Variants in FTO observed in about 807,000 individuals in gnomAD.
The protein encoded by FTO is alpha-ketoglutarate-dependent dioxygenase FTO.
Under a neutral mutation model 63.9 loss-of-function variants are expected in FTO, and 47 were observed. That is an observed-to-expected ratio of 0.74 (90% CI 0.58 to 0.94). The LOEUF is 0.94. FTO is among the 40% of genes least tolerant of loss of function. The pLI is 0.00. For missense variants in FTO, 562 were observed against 618.1 expected (o/e 0.91, Z 0.96); for synonymous variants, 207 against 224.4 (o/e 0.92, Z 0.69).
intron 7 of FTO, among the ~76,000 whole-genome samples, chr16:53,916,030 A>G (rs1337022210): frequency 6.6e-6 from 1 of 152,208 alleles, no homozygotes; most frequent in Non-Finnish European, 1.5e-5. Context: ...GGGCAGCTCA[A>G]AGCAACTTTG....
intron 8 of FTO, among the ~76,000 whole-genome samples, chr16:54,003,844 C>G (rs2084130371): frequency 6.6e-6 from 1 of 152,118 alleles, no homozygotes; most frequent in African/African-American, 2.4e-5. Flanking sequence ...GATGAGACAT[C>G]TCTTTAGTGG....
chr16:53,895,067 G>T (rs571013957), intron 7 of FTO, among the ~76,000 whole-genome samples: 1 of 152,008 alleles, frequency 6.6e-6, no homozygotes, highest in African/African-American at 2.4e-5. Flanking sequence ...AGGGAAGCTC[G>T]GTTCTTTCCA....
chr16:53,853,882 T>C (rs1032555765), intron 4 of FTO, among the ~76,000 whole-genome samples: 4 of 152,210 alleles, frequency 2.6e-5, no homozygotes, highest in Admixed American at 6.5e-5. Flanking sequence ...TTTTAGTTCT[T>C]TGAGAAATCT....
intron 8 of FTO, among the ~76,000 whole-genome samples, chr16:53,948,998 A>G (rs913841936): frequency 1.3e-5 from 2 of 152,136 alleles, no homozygotes; most frequent in African/African-American, 4.8e-5. Flanking sequence ...ACTTGGCACT[A>G]TTTCATCTTT....
chr16:53,723,797 T>A (rs945658418), intron 1 of FTO, among the ~76,000 whole-genome samples: 2 of 152,182 alleles, frequency 1.3e-5, no homozygotes, highest in African/African-American at 4.8e-5. Flanking sequence ...AGGGGACTCT[T>A]GCTTGCTGTC....
intron 7 of FTO, among the ~76,000 whole-genome samples, chr16:53,920,922 T>G (rs1307931334): frequency 6.6e-6 from 1 of 152,182 alleles, no homozygotes; most frequent in Non-Finnish European, 1.5e-5. Context: ...AGATAAAATT[T>G]CCACTAGGGC....
chr16:53,803,535 T>G (rs1217187438), intron 1 of FTO, among the ~76,000 whole-genome samples: 1 of 152,212 alleles, frequency 6.6e-6, no homozygotes, highest in Non-Finnish European at 1.5e-5. Flanking sequence ...AGGATTGATT[T>G]TAATTAAAAA....
At chr16:53,922,583 C>G (rs376002998) in intron 7 of FTO, among the ~76,000 whole-genome samples, 12 of 152,288 alleles carry the variant, frequency 7.9e-5, no homozygotes, top group African/African-American at 2.9e-4. Context: ...ACTTTTAGTA[C>G]TGTCATCTGA....
chr16:53,823,935 C>A (rs1282703303), intron 2 of FTO, among the ~76,000 whole-genome samples: 1 of 152,128 alleles, frequency 6.6e-6, no homozygotes, highest in Non-Finnish European at 1.5e-5. Context: ...TTATCCCTTA[C>A]ATCTAATTCA....
intron 1 of FTO, among the ~76,000 whole-genome samples, chr16:53,747,839 G>A (rs976198987): frequency 6.6e-6 from 1 of 152,074 alleles, no homozygotes; most frequent in Non-Finnish European, 1.5e-5. Context: ...GTTGATTTTA[G>A]TATATGGTGT....
chr16:53,946,320 G>T lies in FTO; in HGVS notation c.1364+12211G>T, dbSNP rs552804930. 6.6e-5 allele frequency among the ~76,000 whole-genome samples: 10 copies of T among 152,320 alleles called. No homozygotes were observed. In the South Asian group the frequency reaches 2.1e-3, roughly 32 times the overall value. On this transcript the variant is annotated intron_variant, in intron 8 of 8. Coordinates refer to ENST00000471389, the MANE Select transcript of FTO (RefSeq NM_001080432.3). ...GACTGTTCAGTATCCATGCGTGAAA[G>T]AAATAGGTTAGTGGTTCTTTCTGAG...
Position 54,111,681 on chromosome 16 carries a change from G to A in FTO, c.1365-81G>A, listed in dbSNP as rs564725678. On this transcript the variant is annotated intron_variant, in intron 8 of 8. Transcript: ENST00000471389. ...AGGACTGTCTTTGGAGCATTGGCCA[G>A]TGTTGCTCCAAGCTTCCTGTGGGTT... is the stretch of plus-strand genomic sequence containing the variant. 1.7e-5 allele frequency: 25 copies of A among 1,449,154 alleles called. No homozygotes were observed. The Middle Eastern group carries it at 5.3e-4, about 31-fold the overall frequency. The allele number at this position is 1,449,154 out of a possible 1,614,324, so 89.8% of individuals were successfully genotyped here. A position where few individuals can be genotyped will look rare whatever the true frequency, so the allele number is the denominator to read the frequency against.
At chr16:53,859,508 CAT>C (rs1598846699) in intron 4 of FTO, among the ~76,000 whole-genome samples, 1 of 148,354 alleles carries the variant, frequency 6.7e-6, no homozygotes, top group Non-Finnish European at 1.5e-5. Flanking sequence ...ATTTATATAT[CAT>C]ATAAATATAT....
chr16:54,092,860 C>A (rs1325802091), intron 8 of FTO, among the ~76,000 whole-genome samples: 3 of 152,178 alleles, frequency 2.0e-5, no homozygotes, highest in Non-Finnish European at 4.4e-5. Flanking sequence ...GGAAGTTTAC[C>A]TCTGCTTCTC....
rs946225479 is a variant in FTO, at chr16:54,020,235, T to C, written c.1364+86126T>C. ...GTTGGATTATAGAGTACAGATATTG[T>C]CTCTTTATTAATGCATGATTTATAA... On this transcript the variant is annotated intron_variant, in intron 8 of 8. Coordinates refer to ENST00000471389, the MANE Select transcript of FTO (RefSeq NM_001080432.3). 2.0e-5 allele frequency among the ~76,000 whole-genome samples: 3 copies of C among 152,222 alleles called. No individual in the cohort carries two copies. In the South Asian group the frequency reaches 6.2e-4, roughly 31 times the overall value.
chr16:53,730,477 T>C (rs1021209739), intron 1 of FTO, among the ~76,000 whole-genome samples: 6 of 152,060 alleles, frequency 3.9e-5, no homozygotes, highest in Admixed American at 3.9e-4. Context: ...TGATTTTTTT[T>C]GTAGTTTTCA....
chr16:54,035,515 G>C (rs1294910224), intron 8 of FTO, among the ~76,000 whole-genome samples: 2 of 152,160 alleles, frequency 1.3e-5, no homozygotes, highest in East Asian at 1.9e-4. Context: ...AGGGTTAAGA[G>C]GTCTAATCCA....
intron 1 of FTO, among the ~76,000 whole-genome samples, chr16:53,792,270 C>T (rs1460067501): frequency 1.3e-5 from 2 of 152,058 alleles, no homozygotes; most frequent in Admixed American, 6.6e-5. Flanking sequence ...AACTGATAGT[C>T]GATGTAGCTG....
chr16:53,879,691 T>TAA (rs34252518), intron 5 of FTO, among the ~76,000 whole-genome samples, 153 bp from the exon 6 acceptor site: 115 of 95,058 alleles, frequency 1.2e-3, no homozygotes, highest in African/African-American at 4.0e-3. Context: ...ATCTCAAAAT[T>TAA]AAAAAAAAAA....
Sources: allele counts gnomAD v4.1 joint callset (sites outside exome capture counted in the v4.1 genomes callset), GRCh38; gene constraint gnomAD v4.1.1; transcripts MANE v1.5; gene names NCBI Gene and HGNC (gene_info 2026-07-23, HGNC 2026-07-21).